IL16: variants seen among roughly 807,000 people sequenced by gnomAD.
IL16 encodes pro-interleukin-16.
IL16 carries 67 observed loss-of-function variants against 110.1 expected under a neutral mutation model. That is an observed-to-expected ratio of 0.61 (90% CI 0.50 to 0.75). The LOEUF (loss-of-function observed/expected upper bound fraction) is 0.75, where lower values mean the gene tolerates loss of function less well. IL16 is among the 30% of genes least tolerant of loss of function. IL16 has a pLI of 0.00. For missense variants in IL16, 1,545 were observed against 1,655.0 expected (o/e 0.93, Z 1.15); for synonymous variants, 689 against 662.9 (o/e 1.04, Z -0.61).
upstream of IL16, chr15:81,196,734 C>T (rs1326577937): frequency 9.3e-6 from 6 of 642,784 alleles, no homozygotes; most frequent in African/African-American, 2.0e-5. Flanking sequence ...TGGGTGTTGC[C>T]GGCCAGCCCA....
intron 2 of IL16, among the ~76,000 whole-genome samples, chr15:81,233,399 G>C (rs1897075429): frequency 6.6e-6 from 1 of 151,062 alleles, no homozygotes; most frequent in Non-Finnish European, 1.5e-5. Flanking sequence ...TTAGGCATTG[G>C]TAAAAACCAT....
rs1796746584 is a variant in IL16, at chr15:81,303,682, C to A, written c.3420+32C>A. ...GGCCAAGTGAAGGGGCATGTCACAG[C>A]CAGAGGCAATGGTTCTGGGGGAGGG... On this transcript the variant is annotated intron_variant, in intron 16 of 18. Transcript: ENST00000683961. This position sits in a 1 kb window ranked among gnomAD's most constrained non-coding sequence, Gnocchi z 4.1. 7.1e-7 allele frequency: 1 copy of A among 1,412,918 alleles called. No homozygotes were observed. Among genetic ancestry groups the A allele is most frequent in the Non-Finnish European group, 1.0e-6 (1 of 996,954 alleles). The allele number at this position is 1,412,918 out of a possible 1,614,324, so 87.5% of individuals were successfully genotyped here.
chr15:81,307,554 A>C (rs1320812385), intron 18 of IL16, among the ~76,000 whole-genome samples: 2 of 152,198 alleles, frequency 1.3e-5, no homozygotes, highest in Admixed American at 1.3e-4. Flanking sequence ...AGATATTTCT[A>C]ATTTTTGAAG....
chr15:81,290,406 G>A (rs762340170), intron 10 of IL16, 47 bp from the exon 11 acceptor site: 2 of 1,403,604 alleles, frequency 1.4e-6, no homozygotes. Context: ...GGAGCCTGAT[G>A]CAGGAGCTTC....
intron 1 of IL16, among the ~76,000 whole-genome samples, chr15:81,209,963 T>C (rs1896177239): frequency 6.6e-6 from 1 of 152,256 alleles, no homozygotes; most frequent in Admixed American, 6.5e-5. Context: ...ACAAGGGTAC[T>C]TCTTAAGTTT....
At chr15:81,305,863 T>C (rs766222221) in intron 16 of IL16, 45 bp from the exon 17 acceptor site, 1 of 1,601,300 alleles carries the variant, frequency 6.2e-7, no homozygotes, top group Admixed American at 1.7e-5. Flanking sequence ...GTATGTGGAC[T>C]GGACTTGTGT....
rs1326168230 is a variant in IL16, at chr15:81,297,027, C to A, written c.2002C>A (p.Gln668Lys). ...CTGCCCAGGACCTGGTATCGGCCCA[C>A]AGACCAAGTCCTCCACAGAGGGCGA... ...AGCPGPGIGP[Q>K]TKSSTEGEPG... The change falls in exon 13 of 19, where the codon CAG becomes AAG. Residue 668 changes from glutamine to lysine, a missense_variant. This residue lies in a region of IL16 where 1,185 missense variants were observed against 1,238.8 expected (regional missense o/e 0.96). Transcript: ENST00000683961. 5 of 1,613,878 alleles carry A rather than the reference C, an allele frequency of 3.1e-6. No homozygotes were observed. The highest frequency in any genetic ancestry group is 4.2e-6 in the Non-Finnish European group (5 of 1,179,988).
At chr15:81,182,909 C>T in intron 1 of IL16, 1 of 1,287,176 alleles carries the variant, frequency 7.8e-7, no homozygotes, top group Non-Finnish European at 1.0e-6. Context: ...GAGTGGAGCT[C>T]CTTCTCCTAT....
chr15:81,283,076 G>A (rs527322929), intron 9 of IL16, among the ~76,000 whole-genome samples: 32 of 152,336 alleles, frequency 2.1e-4, no homozygotes, highest in Non-Finnish European at 4.0e-4. Context: ...TAGCAGGAGC[G>A]GGGTGGACAG....
intron 1 of IL16, among the ~76,000 whole-genome samples, chr15:81,184,107 G>A (rs1463657073): frequency 6.6e-6 from 1 of 152,176 alleles, no homozygotes; most frequent in Admixed American, 6.5e-5. Context: ...GCATTCAGGC[G>A]GCCTCCCTTT....
At chr15:81,283,413 G>A (rs4616256) in intron 9 of IL16, among the ~76,000 whole-genome samples, 28,478 of 151,904 alleles carry the variant, frequency 0.19, 2,826 homozygotes, top group Middle Eastern at 0.26. Context: ...GCTCAGAGCC[G>A]TGTTCCTCAA....
At chr15:81,223,492 G>A (rs1184188608) in intron 1 of IL16, among the ~76,000 whole-genome samples, 2 of 152,216 alleles carry the variant, frequency 1.3e-5, no homozygotes, top group Non-Finnish European at 2.9e-5. Context: ...AAAGCATGCA[G>A]GCTTAAGAGC....
At position 81,267,479 on chromosome 15, in the gene IL16, G is replaced by GACACACACAC. The variant is rs56259509; in HGVS notation, c.564+1696_564+1705dup. On this transcript the variant is annotated intron_variant, in intron 4 of 18. Coordinates refer to ENST00000683961, the MANE Select transcript of IL16 (RefSeq NM_172217.5). ...ACACATACGCAGACACACATACACA[G>GACACACACAC]ACACACACACACACACACACACACA... Among the ~76,000 whole-genome samples, 305 of 107,702 alleles carry GACACACACAC rather than the reference G, an allele frequency of 2.8e-3. 1 individual carries two copies. Among genetic ancestry groups the GACACACACAC allele is most frequent in the African/African-American group, 0.015 (289 of 19,172 alleles). 70.7% of individuals were successfully genotyped at this position (107,702 alleles called of 152,430 possible).
In IL16 at chr15:81,300,263, A is replaced by G; in HGVS notation, c.2937A>G (p.Leu979=). 2 of 1,614,240 alleles carry G rather than the reference A, an allele frequency of 1.2e-6. No homozygotes were observed. Among genetic ancestry groups the G allele is most frequent in the Non-Finnish European group, 1.7e-6 (2 of 1,180,034 alleles). ...LTRSQSCETK[L]LDEKTSKLYS... is the part of the protein sequence containing the mutation. ...GGTCCCAGTCCTGTGAGACGAAGCT[A>G]CTTGACGAAAAGACCAGCAAACTCT... is the stretch of plus-strand genomic sequence containing the variant. The change falls in exon 14 of 19, where the codon CTA becomes CTG. Residue 979 remains leucine (L), a synonymous_variant. Transcript: ENST00000683961.
chr15:81,257,473 G>T (rs1897988375), intron 2 of IL16, among the ~76,000 whole-genome samples: 1 of 152,214 alleles, frequency 6.6e-6, no homozygotes, highest in South Asian at 2.1e-4. Context: ...TGGAACTCAT[G>T]AGAACTTTCT....
chr15:81,265,515 C>A, intron 3 of IL16, 144 bp from the exon 4 acceptor site: 1 of 829,560 alleles, frequency 1.2e-6, no homozygotes, highest in South Asian at 1.8e-5. Flanking sequence ...GGCCACCTCT[C>A]CCCACCACGC....
intron 12 of IL16, chr15:81,295,605 G>A (rs1231194434): frequency 3.6e-6 from 3 of 826,736 alleles, no homozygotes; most frequent in Non-Finnish European, 5.2e-6. Flanking sequence ...AGCTTCTAAT[G>A]CCATGACTCA....
At chr15:81,223,549 G>A (rs947512613) in intron 1 of IL16, among the ~76,000 whole-genome samples, 3 of 152,180 alleles carry the variant, frequency 2.0e-5, no homozygotes, top group African/African-American at 7.2e-5. Flanking sequence ...CTAGCTGTGT[G>A]ATCTTGAGAA....
chr15:81,245,741 T>TTTTTTTTG (rs1897519704), intron 2 of IL16, among the ~76,000 whole-genome samples: 1 of 144,870 alleles, frequency 6.9e-6, no homozygotes, highest in African/African-American at 2.6e-5. Flanking sequence ...TTTTTTTTTT[T>TTTTTTTTG]TTTTTTTGCC....
Sources: allele counts gnomAD v4.1 joint callset (sites outside exome capture counted in the v4.1 genomes callset), GRCh38; gene constraint gnomAD v4.1.1; regional missense constraint gnomAD v4.1.1; non-coding constraint Gnocchi (gnomAD v3.1); transcripts MANE v1.5; gene names NCBI Gene and HGNC (gene_info 2026-07-23, HGNC 2026-07-21).